Variants in TEX9 observed in about 807,000 individuals in gnomAD.
The protein encoded by TEX9 is testis expressed 9, also known as testis-expressed protein 9.
Under a neutral mutation model 59.6 loss-of-function variants are expected in TEX9, and 74 were observed. That is an observed-to-expected ratio of 1.24 (90% confidence interval 1.03 to 1.51). The LOEUF (loss-of-function observed/expected upper bound fraction) is 1.51, where lower values mean the gene tolerates loss of function less well. Ranked by LOEUF, TEX9 falls within the 40% of genes most tolerant of loss-of-function variation. The pLI is 0.00. For missense variants in TEX9, 522 were observed against 447.8 expected, an observed-to-expected ratio of 1.17 and a Z score of -1.49; for synonymous variants, 186 against 152.2, an observed-to-expected ratio of 1.22 and a Z score of -1.64.
intron 12 of TEX9, chr15:56,444,449 A>T (rs2050872559): frequency 6.2e-7 from 1 of 1,604,344 alleles, no homozygotes; most frequent in Non-Finnish European, 8.5e-7. Flanking sequence ...CTTACAACTG[A>T]TCTTCTTCAT....
intron 11 of TEX9, 58 bp from the exon 12 acceptor site, chr15:56,428,306 CTGT>C: frequency 3.3e-6 from 4 of 1,225,568 alleles, no homozygotes; most frequent in Admixed American, 1.7e-5. Flanking sequence ...TACAAACTTC[CTGT>C]TGTTTGGTGG....
At chr15:56,355,215 CTT>C (rs1164455309) in intron 1 of TEX9, among the ~76,000 whole-genome samples, 4 of 152,004 alleles carry the variant, frequency 2.6e-5, no homozygotes, top group Non-Finnish European at 4.4e-5. Context: ...AGTATATAGT[CTT>C]TTGTGTTTGA....
intron 10 of TEX9, among the ~76,000 whole-genome samples, chr15:56,413,086 C>T (rs936780821): frequency 3.3e-5 from 5 of 151,480 alleles, no homozygotes; most frequent in African/African-American, 1.2e-4. Flanking sequence ...TCATGAAACC[C>T]CTTTGTACCT....
At chr15:56,335,642 G>GA (rs1376118720) in intron 1 of TEX9, among the ~76,000 whole-genome samples, 1 of 152,124 alleles carries the variant, frequency 6.6e-6, no homozygotes, top group African/African-American at 2.4e-5. Flanking sequence ...AAAATAACTA[G>GA]AAGAATATAG....
chr15:56,333,783 C>G (rs1250242003), intron 1 of TEX9, among the ~76,000 whole-genome samples: 1 of 152,088 alleles, frequency 6.6e-6, no homozygotes, highest in Non-Finnish European at 1.5e-5. Context: ...AACATAAAGA[C>G]TTAACCAAAA....
intron 3 of TEX9, among the ~76,000 whole-genome samples, chr15:56,378,854 C>T (rs2047583610): frequency 6.6e-6 from 1 of 151,728 alleles, no homozygotes; most frequent in Non-Finnish European, 1.5e-5. Context: ...TCACTTGAAC[C>T]CAGAAGTTTG....
chr15:56,380,986 ATAT>A (rs1360305108), intron 3 of TEX9, among the ~76,000 whole-genome samples: 2 of 152,120 alleles, frequency 1.3e-5, no homozygotes, highest in Non-Finnish European at 2.9e-5. Context: ...AAGTTCTCTG[ATAT>A]TATCCCTTCG....
At chr15:56,432,814 T>A (rs562865908) in intron 12 of TEX9, among the ~76,000 whole-genome samples, 1 of 152,172 alleles carries the variant, frequency 6.6e-6, no homozygotes, top group African/African-American at 2.4e-5. Context: ...GAGTTTCTCA[T>A]ATTTGAAACA....
intron 12 of TEX9, among the ~76,000 whole-genome samples, 162 bp downstream of exon 12, chr15:56,430,316 C>G (rs1377915092): frequency 1.3e-5 from 2 of 152,182 alleles, no homozygotes; most frequent in Non-Finnish European, 2.9e-5. Context: ...AAGCAATCTT[C>G]CAACCTCAGC....
intron 12 of TEX9, chr15:56,443,535 C>CAA (rs1387713033): frequency 5.0e-6 from 8 of 1,584,158 alleles, no homozygotes; most frequent in Non-Finnish European, 6.8e-6. Context: ...ATTTCTGTGT[C>CAA]AACTATTAAA....
intron 12 of TEX9, among the ~76,000 whole-genome samples, chr15:56,432,336 T>C (rs909164038): frequency 6.6e-6 from 1 of 152,154 alleles, no homozygotes; most frequent in Admixed American, 6.5e-5. Flanking sequence ...CTGAATAGCT[T>C]TGGTGTAGGA....
At chr15:56,394,780 A>C in exon 9 of TEX9, 1 of 1,613,280 alleles carries the variant, frequency 6.2e-7, no homozygotes, top group Non-Finnish European at 8.5e-7. Context: ...CTCTTTTCGA[A>C]GAAGCAAACA....
intron 1 of TEX9, among the ~76,000 whole-genome samples, chr15:56,325,735 G>C (rs1178543788): frequency 6.6e-6 from 1 of 152,146 alleles, no homozygotes; most frequent in Admixed American, 6.5e-5. Context: ...TATAATATTT[G>C]AAATGCTACA....
intron 10 of TEX9, among the ~76,000 whole-genome samples, chr15:56,426,266 C>T (rs1258881024): frequency 6.6e-6 from 1 of 152,020 alleles, no homozygotes; most frequent in Non-Finnish European, 1.5e-5. Flanking sequence ...TCTTTTCCCT[C>T]CATTCCAAGG....
intron 1 of TEX9, among the ~76,000 whole-genome samples, chr15:56,266,041 A>G (rs1164260491): frequency 3.3e-5 from 5 of 151,590 alleles, no homozygotes; most frequent in Non-Finnish European, 7.4e-5. Flanking sequence ...TTTACTTCCT[A>G]TATTCTGCAA....
At chr15:56,449,271 A>G (rs1308431305), downstream of TEX9, among the ~76,000 whole-genome samples, 1 of 147,248 alleles carries the variant, frequency 6.8e-6, no homozygotes, top group Non-Finnish European at 1.5e-5. Flanking sequence ...ACATTTTGCT[A>G]TTAAGGATAA....
chr15:56,330,029 A>C (rs1264130449), intron 1 of TEX9, among the ~76,000 whole-genome samples: 1 of 151,224 alleles, frequency 6.6e-6, no homozygotes, highest in Non-Finnish European at 1.5e-5. Flanking sequence ...AGCAAGAGAA[A>C]AGAAAAAAAA....
In TEX9 at chr15:56,318,029, T is replaced by C. The variant is rs554003115; in HGVS notation, c.-106-55412T>C. ...TTATAGCATTTTTCAAATCTTCTGC[T>C]TTCTTGTTTATAGTCTATTGGTTCT... On this transcript the variant is annotated intron_variant, in intron 1 of 5. Transcript: ENST00000560827. Among the ~76,000 whole-genome samples the C allele has an allele frequency of 2.6e-5, 4 of 152,276 alleles. No individual in the cohort carries two copies. In the South Asian group the frequency reaches 6.2e-4, roughly 24 times the overall value.
intron 12 of TEX9, among the ~76,000 whole-genome samples, chr15:56,433,922 C>A (rs1411329175): frequency 6.6e-6 from 1 of 152,028 alleles, no homozygotes; most frequent in African/African-American, 2.4e-5. Flanking sequence ...GTTTTATTTA[C>A]CTTTTATGTT....
Sources: gnomAD v4.1 joint callset for allele counts (sites outside exome capture counted in the v4.1 genomes callset) on GRCh38, gnomAD v4.1.1 for gene constraint, MANE v1.5 for transcripts, NCBI Gene and HGNC (gene_info 2026-07-23, HGNC 2026-07-21) for gene names.